Variants in FSTL4 observed in about 807,000 individuals in gnomAD.
The protein encoded by FSTL4 is follistatin like 4, also known as follistatin-related protein 4.
In FSTL4, 28 loss-of-function variants were observed where a neutral mutation model predicts 78.2. The ratio of observed to expected loss-of-function variants is 0.36; its 90% CI spans 0.27 to 0.49. FSTL4 has a LOEUF of 0.49. FSTL4 is among the 20% of genes least tolerant of loss of function. FSTL4 has a pLI of 0.98. For missense variants in FSTL4, 922 were observed against 1,084.9 expected (o/e 0.85, Z 2.11); for synonymous variants, 422 against 440.5 (o/e 0.96, Z 0.53).
chr5:133,524,317 A>AC, intron 3 of FSTL4, among the ~76,000 whole-genome samples: 1 of 152,304 alleles, frequency 6.6e-6, no homozygotes, highest in East Asian at 1.9e-4. Context: ...ACAATTTAGG[A>AC]AGATAAATCA....
chr5:133,493,806 T>C (rs1430004337), intron 3 of FSTL4, among the ~76,000 whole-genome samples: 1 of 152,180 alleles, frequency 6.6e-6, no homozygotes, highest in African/African-American at 2.4e-5. Flanking sequence ...TTTTCCCCAG[T>C]AATATTTTAT....
intron 6 of FSTL4, among the ~76,000 whole-genome samples, chr5:133,296,703 C>T (rs139060918): frequency 1.2e-3 from 190 of 152,306 alleles, no homozygotes; most frequent in African/African-American, 4.4e-3. Context: ...CCCTACCCTG[C>T]CCTCTGTGTT....
At chr5:133,454,131 C>T (rs138568732) in intron 3 of FSTL4, among the ~76,000 whole-genome samples, 1 of 152,160 alleles carries the variant, frequency 6.6e-6, no homozygotes, top group East Asian at 1.9e-4. Context: ...TACTATCACG[C>T]TACTTTCTCA....
intron 3 of FSTL4, among the ~76,000 whole-genome samples, chr5:133,550,845 T>G (rs1383140873): frequency 6.6e-6 from 1 of 152,178 alleles, no homozygotes; most frequent in African/African-American, 2.4e-5. Context: ...TGGCTGGAAA[T>G]GTTATAGAAA....
chr5:133,751,702 C>T, the FSTL4 span, among the ~76,000 whole-genome samples: 1 of 152,190 alleles, frequency 6.6e-6, no homozygotes, highest in African/African-American at 2.4e-5. Flanking sequence ...GAATTATTGA[C>T]TGTCTGAGAG....
At chr5:133,421,954 G>A (rs1756705844) in intron 3 of FSTL4, among the ~76,000 whole-genome samples, 1 of 152,202 alleles carries the variant, frequency 6.6e-6, no homozygotes, top group African/African-American at 2.4e-5. Flanking sequence ...AAGGAGATGA[G>A]GAGTGAAGGG....
intron 4 of FSTL4, among the ~76,000 whole-genome samples, chr5:133,398,666 C>T (rs1756135035): frequency 6.6e-6 from 1 of 152,184 alleles, no homozygotes; most frequent in Non-Finnish European, 1.5e-5. Context: ...TGCAGCCCCT[C>T]CTTCACTTCT....
At chr5:133,360,621 T>G (rs1262977802) in intron 4 of FSTL4, among the ~76,000 whole-genome samples, 1 of 152,130 alleles carries the variant, frequency 6.6e-6, no homozygotes, top group Non-Finnish European at 1.5e-5. Context: ...TGATTACAGT[T>G]TTAAAGAAAC....
At chr5:133,321,051 G>T (rs1392129927) in intron 4 of FSTL4, among the ~76,000 whole-genome samples, 2 of 148,844 alleles carry the variant, frequency 1.3e-5, no homozygotes, top group Non-Finnish European at 3.0e-5. Context: ...GGGCAAGAAA[G>T]TGTCAACACC....
At chr5:133,509,213 C>T (rs866687245) in intron 3 of FSTL4, among the ~76,000 whole-genome samples, 19 of 152,238 alleles carry the variant, frequency 1.2e-4, no homozygotes, top group African/African-American at 2.7e-4. Context: ...CCCTGCTACA[C>T]TGGGTGAGCC....
At chr5:133,667,372 A>G in the FSTL4 span, among the ~76,000 whole-genome samples, 4 of 152,324 alleles carry the variant, frequency 2.6e-5, no homozygotes, top group South Asian at 8.3e-4. Flanking sequence ...GTCCTCCTAC[A>G]ATCTGACTTT....
chr5:133,811,486 C>T, the FSTL4 span, among the ~76,000 whole-genome samples: 8 of 152,126 alleles, frequency 5.3e-5, no homozygotes, highest in Admixed American at 4.6e-4. Flanking sequence ...GACTGCTGCC[C>T]GAGGCATCCC....
chr5:133,733,166 A>G, the FSTL4 span, among the ~76,000 whole-genome samples: 1 of 152,232 alleles, frequency 6.6e-6, no homozygotes, highest in African/African-American at 2.4e-5. Flanking sequence ...GGAATCAGTC[A>G]TTCTGTTGTC....
chr5:133,697,830 C>T, the FSTL4 span, among the ~76,000 whole-genome samples: 1 of 152,182 alleles, frequency 6.6e-6, no homozygotes, highest in East Asian at 1.9e-4. Flanking sequence ...GGACCCGTTG[C>T]AATTCTCAAC....
chr5:133,757,897 G>A, the FSTL4 span, among the ~76,000 whole-genome samples: 6 of 152,306 alleles, frequency 3.9e-5, no homozygotes, highest in East Asian at 1.9e-4. Flanking sequence ...GGCTTGACAC[G>A]TGTGAAAGGC....
At chr5:133,231,975 G>T (rs1353997956) in intron 8 of FSTL4, among the ~76,000 whole-genome samples, 22 of 152,220 alleles carry the variant, frequency 1.4e-4, no homozygotes, top group African/African-American at 5.1e-4. Flanking sequence ...GCACAGTCAC[G>T]AAAGTAGCAT....
chr5:133,484,063 C>T (rs1758082618), intron 3 of FSTL4, among the ~76,000 whole-genome samples: 3 of 152,236 alleles, frequency 2.0e-5, no homozygotes, highest in Admixed American at 6.5e-5. Flanking sequence ...TTCTACCTTC[C>T]TCCACATACA....
At chr5:133,211,334 T>G (rs955532873) in intron 13 of FSTL4, among the ~76,000 whole-genome samples, 9 of 152,204 alleles carry the variant, frequency 5.9e-5, no homozygotes, top group African/African-American at 2.2e-4. Context: ...GTCCTCCCTT[T>G]GCTGTCTTCC....
chr5:133,365,609 G>A (rs529548924), intron 4 of FSTL4, among the ~76,000 whole-genome samples: 21 of 152,326 alleles, frequency 1.4e-4, no homozygotes, highest in African/African-American at 4.3e-4. Context: ...CCTAATCAGC[G>A]GTGCAGTCTT....
Sources: allele counts gnomAD v4.1 joint callset (sites outside exome capture counted in the v4.1 genomes callset), GRCh38; gene constraint gnomAD v4.1.1; transcripts MANE v1.5; gene names NCBI Gene and HGNC (gene_info 2026-07-23, HGNC 2026-07-21).